MAP2K5: variants seen among roughly 807,000 people sequenced by gnomAD.
MAP2K5 encodes mitogen-activated protein kinase kinase 5.
MAP2K5 carries 49 observed loss-of-function variants against 83.1 expected under a neutral mutation model. That is an observed-to-expected ratio of 0.59 (90% CI 0.47 to 0.75). The LOEUF is 0.75. Among genes scored for constraint, MAP2K5 ranks in the 30% least tolerant of loss-of-function variants. The pLI is 0.00. For synonymous variants in MAP2K5, 202 were observed against 191.8 expected (o/e 1.05, Z -0.44); for missense variants, 457 against 557.5 (o/e 0.82, Z 1.82).
At chr15:67,667,013 A>G (rs2087397056) in intron 13 of MAP2K5, among the ~76,000 whole-genome samples, 2 of 152,214 alleles carry the variant, frequency 1.3e-5, no homozygotes, top group Admixed American at 1.3e-4. Context: ...CCAGCTATTC[A>G]TGGAAACTTT....
chr15:67,806,932 C>T lies in MAP2K5; in HGVS notation c.*182C>T. The T allele has an allele frequency of 1.3e-6, 2 of 1,581,176 alleles. No individual in the cohort carries two copies. The highest frequency in any genetic ancestry group is 1.7e-6 in the Non-Finnish European group (2 of 1,171,916). ...GAGCCCCATGTGTGGCCCACCCCAC[C>T]AGGCCATCCCCATACCTTCTGGTTT... On this transcript the variant is annotated 3_prime_UTR_variant, in exon 22 of 22. Transcript: ENST00000178640.
chr15:67,749,424 T>C lies in MAP2K5; in HGVS notation c.1134+823T>C, dbSNP rs1396436995. 6.6e-6 allele frequency among the ~76,000 whole-genome samples: 1 copy of C among 152,194 alleles called. No individual in the cohort carries two copies. The highest frequency in any genetic ancestry group is 1.5e-5 in the Non-Finnish European group (1 of 68,040). ...TTTTTAAACTTTAATTTTATAATAT[T>C]TAAAACAGTTGTAATTAGAGAGGGA... On this transcript the variant is annotated intron_variant, in intron 19 of 21. Coordinates refer to ENST00000178640, the MANE Select transcript of MAP2K5 (RefSeq NM_145160.3). The surrounding 1 kb of genome is among the most constrained non-coding windows in gnomAD (Gnocchi z 4.6).
chr15:67,547,648 G>A (rs1478074201), intron 1 of MAP2K5, among the ~76,000 whole-genome samples: 3 of 151,738 alleles, frequency 2.0e-5, no homozygotes, highest in South Asian at 4.2e-4. Context: ...GTAGAGACAG[G>A]GTTTCACCAT....
At chr15:67,558,671 T>C (rs2084675086) in intron 2 of MAP2K5, among the ~76,000 whole-genome samples, 1 of 152,222 alleles carries the variant, frequency 6.6e-6, no homozygotes, top group Admixed American at 6.5e-5. Context: ...AAACCTCTCA[T>C]TCTGTTCTAG....
rs1395433332 is a variant in MAP2K5, at chr15:67,768,673, A to G, written c.1135-929A>G. ...AAGGTATTTTTAATAGCAAATGAGA[A>G]TAGATGAGAATGGAGTCATTTGCAG... On this transcript the variant is annotated intron_variant, in intron 19 of 21. Transcript: ENST00000178640. This position sits in a 1 kb window ranked among gnomAD's most constrained non-coding sequence, Gnocchi z 4.0. Among the ~76,000 whole-genome samples, 2 of 152,228 alleles carry G rather than the reference A, an allele frequency of 1.3e-5. No homozygotes were observed. Among genetic ancestry groups the G allele is most frequent in the African/African-American group, 4.8e-5 (2 of 41,464 alleles).
In MAP2K5 at chr15:67,764,831, CTTAACTT is replaced by C. The variant is rs2090012922; in HGVS notation, c.1135-4768_1135-4762del. On this transcript the variant is annotated intron_variant, in intron 19 of 21. Coordinates refer to ENST00000178640, the MANE Select transcript of MAP2K5 (RefSeq NM_145160.3). The surrounding 1 kb of genome is among the most constrained non-coding windows in gnomAD (Gnocchi z 4.9). ...GGAATATTTTTTTAAGCAAAAGGCC[CTTAACTT>C]TTTTCCAGTTGAGTATTTATGCCAG... 2.6e-5 allele frequency among the ~76,000 whole-genome samples: 4 copies of C among 152,244 alleles called. No individual in the cohort carries two copies. In the South Asian group the frequency reaches 6.2e-4, roughly 24 times the overall value.
Position 67,587,966 on chromosome 15 carries a change from C to A in MAP2K5, c.431+1053C>A. The A allele has an allele frequency of 3.9e-6, 1 of 258,180 alleles. No homozygotes were observed. The highest frequency in any genetic ancestry group is 6.1e-6 in the Non-Finnish European group (1 of 165,166). 16.0% of individuals were successfully genotyped at this position (258,180 alleles called of 1,614,324 possible). A position where few individuals can be genotyped will look rare whatever the true frequency, so the allele number is the denominator to read the frequency against. On this transcript the variant is annotated intron_variant, in intron 6 of 21. Transcript: ENST00000178640. This position sits in a 1 kb window ranked among gnomAD's most constrained non-coding sequence, Gnocchi z 4.8. ...GTTCCAGCTCTCCAGATCACTGCCACAGCCTCCTGAGAGTCTACTCCCTCC... is the reference window on the plus strand; with the variant it reads ...GTTCCAGCTCTCCAGATCACTGCCAAAGCCTCCTGAGAGTCTACTCCCTCC...
intron 16 of MAP2K5, among the ~76,000 whole-genome samples, chr15:67,707,355 A>C (rs2088581265): frequency 1.3e-5 from 2 of 152,248 alleles, no homozygotes; most frequent in African/African-American, 2.4e-5. Flanking sequence ...TAGCAAATCC[A>C]ATTTAAAATC....
At chr15:67,658,781 CCAACATCA>C (rs760961472) in intron 12 of MAP2K5, 167 bp downstream of exon 12, 190 of 657,824 alleles carry the variant, frequency 2.9e-4, no homozygotes, top group Non-Finnish European at 5.0e-4. Flanking sequence ...ACCAGCCCAC[CCAACATCA>C]CAACATAGTC....
chr15:67,585,474 G>A (rs1472282529), intron 4 of MAP2K5, among the ~76,000 whole-genome samples: 1 of 151,972 alleles, frequency 6.6e-6, no homozygotes, highest in Non-Finnish European at 1.5e-5. Flanking sequence ...AATCTTTTTG[G>A]CATTAAAACA....
At position 67,777,620 on chromosome 15, in the gene MAP2K5, G is replaced by A. The variant is rs965562372; in HGVS notation, c.1242+4868G>A. Among the ~76,000 whole-genome samples the A allele has an allele frequency of 6.6e-6, 1 of 152,202 alleles. No homozygotes were observed. The highest frequency in any genetic ancestry group is 1.5e-5 in the Non-Finnish European group (1 of 68,044). On this transcript the variant is annotated intron_variant, in intron 21 of 21. Transcript: ENST00000178640. This position sits in a 1 kb window ranked among gnomAD's most constrained non-coding sequence, Gnocchi z 6.0. ...GTGAGGCACAGCTGGATATTGCAGA[G>A]GAGTTTGATTTACTAATAGTTATTA...
intron 6 of MAP2K5, among the ~76,000 whole-genome samples, chr15:67,590,426 C>CCTCCCTCTCTCCCTCCCTCT (rs1555529559): frequency 4.2e-5 from 1 of 23,966 alleles, no homozygotes; most frequent in African/African-American, 1.1e-4. Context: ...TCCCTCCCTC[C>CCTCCCTCTCTCCCTCCCTCT]CTCTCTCTCT....
intron 3 of MAP2K5, among the ~76,000 whole-genome samples, chr15:67,575,336 G>A (rs2085031362): frequency 6.8e-6 from 1 of 146,888 alleles, no homozygotes; most frequent in African/African-American, 2.5e-5. Context: ...GAATGGAGTG[G>A]TTGGAGAAGT....
chr15:67,796,290 T>C (rs1267170071), intron 21 of MAP2K5, among the ~76,000 whole-genome samples: 2 of 152,230 alleles, frequency 1.3e-5, no homozygotes, highest in Non-Finnish European at 2.9e-5. Flanking sequence ...CTTGCATTGC[T>C]ACAAAGAAAC....
In MAP2K5 at chr15:67,780,723, A is replaced by G. The variant is rs1020027477; in HGVS notation, c.1242+7971A>G. ...GGTTAGAAAATTTGGTGCCAAAATA[A>G]TAAAATTTCTAGGATGTTCCAATAT... On this transcript the variant is annotated intron_variant, in intron 21 of 21. Coordinates refer to ENST00000178640, the MANE Select transcript of MAP2K5 (RefSeq NM_145160.3). This position sits in a 1 kb window ranked among gnomAD's most constrained non-coding sequence, Gnocchi z 5.0. Among the ~76,000 whole-genome samples the G allele has an allele frequency of 2.0e-5, 3 of 152,236 alleles. No individual in the cohort carries two copies. The highest frequency in any genetic ancestry group is 4.4e-5 in the Non-Finnish European group (3 of 68,050).
intron 8 of MAP2K5, among the ~76,000 whole-genome samples, chr15:67,604,503 T>C (rs1314491616): frequency 3.3e-5 from 5 of 152,174 alleles, no homozygotes; most frequent in Non-Finnish European, 5.9e-5. Flanking sequence ...GGCTCTAAGT[T>C]TGAATCCTGC....
Position 67,547,334 on chromosome 15 carries a change from T to G in MAP2K5, c.136-2700T>G, listed in dbSNP as rs977360634. Among the ~76,000 whole-genome samples, 9 of 152,304 alleles carry G rather than the reference T, an allele frequency of 5.9e-5. No individual in the cohort carries two copies. In the East Asian group the frequency reaches 1.7e-3, roughly 29 times the overall value. ...CTTTGTGATCTTTATGCTCGTGGCA[T>G]GTTGTAGATGCTCAATGATGTTTTG... is the stretch of plus-strand genomic sequence containing the variant. On this transcript the variant is annotated intron_variant, in intron 1 of 21. Coordinates refer to ENST00000178640, the MANE Select transcript of MAP2K5 (RefSeq NM_145160.3).
At chr15:67,639,697 C>T (rs190169580) in intron 9 of MAP2K5, among the ~76,000 whole-genome samples, 1 of 152,164 alleles carries the variant, frequency 6.6e-6, no homozygotes, top group Non-Finnish European at 1.5e-5. Context: ...AGATCCTCCA[C>T]GACATGTCGT....
intron 7 of MAP2K5, among the ~76,000 whole-genome samples, chr15:67,594,929 A>G (rs2085493464): frequency 6.6e-6 from 1 of 152,204 alleles, no homozygotes; most frequent in Non-Finnish European, 1.5e-5. Context: ...GCAGTGAGGT[A>G]CTGTGCACAG....
Sources: allele counts gnomAD v4.1 joint callset (sites outside exome capture counted in the v4.1 genomes callset), GRCh38; gene constraint gnomAD v4.1.1; non-coding constraint Gnocchi (gnomAD v3.1); transcripts MANE v1.5; gene names NCBI Gene and HGNC (gene_info 2026-07-23, HGNC 2026-07-21).